Variants in SPECC1 observed in about 807,000 individuals in gnomAD.
SPECC1 encodes the protein cytospin-B.
A neutral mutation model predicts 104.1 loss-of-function variants in SPECC1; 62 were observed. The observed-to-expected ratio is 0.60, with a 90% CI of 0.49 to 0.74. The LOEUF is 0.74. Among genes scored for constraint, SPECC1 ranks in the 30% least tolerant of loss-of-function variants. The pLI is 0.00. For missense variants in SPECC1, 1,306 were observed against 1,310.5 expected (o/e 1.00, Z 0.05); for synonymous variants, 513 against 501.6 (o/e 1.02, Z -0.30).
intron 1 of SPECC1, among the ~76,000 whole-genome samples, chr17:20,021,458 C>T (rs1414136118): frequency 1.3e-5 from 2 of 151,884 alleles, no homozygotes; most frequent in Middle Eastern, 3.4e-3. Context: ...AGGTTGATTC[C>T]CACTCCCAGT....
intron 1 of SPECC1, among the ~76,000 whole-genome samples, chr17:20,090,132 G>A (rs1305380706): frequency 2.0e-5 from 3 of 152,170 alleles, no homozygotes; most frequent in South Asian, 2.1e-4. Flanking sequence ...GAAGTTAGCC[G>A]GGCCATGGGA....
At chr17:20,028,865 C>A (rs1473413989) in intron 1 of SPECC1, among the ~76,000 whole-genome samples, 1 of 151,370 alleles carries the variant, frequency 6.6e-6, no homozygotes, top group Non-Finnish European at 1.5e-5. Flanking sequence ...TGGGTTCAAG[C>A]GATTCTCCTG....
chr17:20,298,949 G>GAGAGAGAGTGTA (rs11274603), intron 13 of SPECC1, among the ~76,000 whole-genome samples: 1 of 58,014 alleles, frequency 1.7e-5, no homozygotes, highest in African/African-American at 2.0e-4. Context: ...GAGAGAGAGA[G>GAGAGAGAGTGTA]TGTGTGTGTG....
chr17:20,072,169 G>GC (rs1175511298), intron 1 of SPECC1, among the ~76,000 whole-genome samples: 2 of 152,180 alleles, frequency 1.3e-5, no homozygotes, highest in Non-Finnish European at 2.9e-5. Flanking sequence ...TATCCTCAGA[G>GC]CACCTGTGTT....
intron 7 of SPECC1, among the ~76,000 whole-genome samples, chr17:20,232,945 G>A (rs1263954138): frequency 6.6e-6 from 1 of 152,200 alleles, no homozygotes; most frequent in African/African-American, 2.4e-5. Flanking sequence ...GCATTTGGCT[G>A]ATGTGTGACA....
chr17:20,139,883 C>A (rs968156244), intron 3 of SPECC1, among the ~76,000 whole-genome samples: 2 of 152,106 alleles, frequency 1.3e-5, no homozygotes, highest in Non-Finnish European at 2.9e-5. Context: ...GCTATGTTGG[C>A]CAGGCTGGTC....
At chr17:20,216,552 A>G (rs1386641124) in intron 4 of SPECC1, among the ~76,000 whole-genome samples, 1 of 151,952 alleles carries the variant, frequency 6.6e-6, no homozygotes, top group East Asian at 1.9e-4. Context: ...GTGACCCTTG[A>G]TAGGATTCTA....
At chr17:20,110,333 G>C (rs2152522811) in intron 2 of SPECC1, 94 bp from the exon 3 acceptor site, 1 of 1,421,716 alleles carries the variant, frequency 7.0e-7, no homozygotes. Flanking sequence ...TTGACTGCTG[G>C]GCACATAGCC....
At chr17:20,310,069 A>C (rs1458767149) in intron 14 of SPECC1, among the ~76,000 whole-genome samples, 1 of 151,684 alleles carries the variant, frequency 6.6e-6, no homozygotes, top group Non-Finnish European at 1.5e-5. Context: ...TGATCCACCC[A>C]CCTCAGCCTC....
intron 1 of SPECC1, among the ~76,000 whole-genome samples, chr17:20,011,706 T>C (rs1217594289): frequency 6.6e-6 from 1 of 152,182 alleles, no homozygotes; most frequent in Non-Finnish European, 1.5e-5. Flanking sequence ...ATGGAAAACC[T>C]GGCTCATTTA....
chr17:20,124,218 G>T (rs887969302), intron 3 of SPECC1, among the ~76,000 whole-genome samples: 1 of 152,158 alleles, frequency 6.6e-6, no homozygotes, highest in African/African-American at 2.4e-5. Context: ...CTGCAGAAAT[G>T]GAAGGTGTCT....
intron 14 of SPECC1, among the ~76,000 whole-genome samples, chr17:20,311,385 TTTTTG>T (rs2041929733): frequency 6.8e-6 from 1 of 146,682 alleles, no homozygotes; most frequent in South Asian, 2.1e-4. Context: ...TTTTTTTTTG[TTTTTG>T]TTTTTGTTTT....
chr17:20,227,969 G>A (rs1050246379), intron 5 of SPECC1, among the ~76,000 whole-genome samples: 9 of 152,218 alleles, frequency 5.9e-5, no homozygotes, highest in Admixed American at 4.6e-4. Context: ...GGTGACGAGG[G>A]GGGGTGGGTT....
At chr17:20,112,701 A>G in intron 3 of SPECC1, 1 of 1,129,198 alleles carries the variant, frequency 8.9e-7, no homozygotes, top group Non-Finnish European at 1.4e-6. Flanking sequence ...AAACTGTGTA[A>G]TTTTGAGGAT....
At chr17:20,137,690 G>T (rs1253864994) in intron 3 of SPECC1, among the ~76,000 whole-genome samples, 3 of 151,972 alleles carry the variant, frequency 2.0e-5, no homozygotes, top group Non-Finnish European at 4.4e-5. Flanking sequence ...TTTTGAGACA[G>T]AGTCTAACTC....
intron 1 of SPECC1, among the ~76,000 whole-genome samples, chr17:20,024,578 A>C (rs1436024593): frequency 6.6e-6 from 1 of 152,146 alleles, no homozygotes; most frequent in African/African-American, 2.4e-5. Context: ...TGATTCCTAC[A>C]AACTTCATTT....
chr17:20,278,394 G>A (rs2040644908), intron 12 of SPECC1, among the ~76,000 whole-genome samples: 1 of 152,192 alleles, frequency 6.6e-6, no homozygotes, highest in South Asian at 2.1e-4. Context: ...CTTGGATGTG[G>A]TGGCCGGGGG....
rs560166096 is a variant in SPECC1, at chr17:20,101,788, AC to A, written c.147+4993del. Among the ~76,000 whole-genome samples the A allele has an allele frequency of 8.5e-5, 13 of 152,168 alleles. No homozygotes were observed. The South Asian group carries it at 1.5e-3, about 17-fold the overall frequency. On this transcript the variant is annotated intron_variant, in intron 2 of 14. Transcript: ENST00000395527. ...GCGGGACAAAGGTGCATTTTAACAAACCCTTCCTGTGACTCTGATGTCTGCT... is the reference window on the plus strand; with the variant it reads ...GCGGGACAAAGGTGCATTTTAACAAACCTTCCTGTGACTCTGATGTCTGCT...
Position 20,315,603 on chromosome 17 carries a change from A to G in SPECC1, c.*1538A>G, listed in dbSNP as rs955023397. The G allele has an allele frequency of 2.2e-5, 5 of 230,678 alleles. No homozygotes were observed. Among genetic ancestry groups the G allele is most frequent in the Non-Finnish European group, 4.3e-5 (5 of 117,436 alleles). 14.3% of individuals were successfully genotyped at this position (230,678 alleles called of 1,614,324 possible). On this transcript the variant is annotated 3_prime_UTR_variant, in exon 15 of 15. Coordinates refer to ENST00000395527, the MANE Select transcript of SPECC1 (RefSeq NM_001243439.2). ...ACCGAGAATGACAGTGACTGCCATT[A>G]CTATTCAAAGTACATCTCTGATTGC...
Sources: allele counts gnomAD v4.1 joint callset (sites outside exome capture counted in the v4.1 genomes callset), GRCh38; gene constraint gnomAD v4.1.1; transcripts MANE v1.5; gene names NCBI Gene and HGNC (gene_info 2026-07-23, HGNC 2026-07-21).